The following SCOC variants were observed in gnomAD, a reference collection of about 807,000 sequenced individuals.
The protein encoded by SCOC is short coiled coil protein.
In SCOC, 7 loss-of-function variants were observed where a neutral mutation model predicts 9.9. The observed-to-expected ratio is 0.71, with a 90% confidence interval of 0.40 to 1.33. The LOEUF (loss-of-function observed/expected upper bound fraction) is 1.33, where lower values mean the gene tolerates loss of function less well. Among genes scored for constraint, SCOC ranks in the 40% most tolerant of loss-of-function variants. The probability of loss-of-function intolerance (pLI) is 0.01; values close to 1 mark genes in which losing one functional copy is unlikely to be tolerated. For synonymous variants in SCOC, 19 were observed against 28.2 expected, an observed-to-expected ratio of 0.67 and a Z score of 1.03; for missense variants, 66 against 89.7, an observed-to-expected ratio of 0.74 and a Z score of 1.07.
intron 1 of SCOC, among the ~76,000 whole-genome samples, chr4:140,318,782 TATGTTTA>T (rs1732407810): frequency 6.6e-6 from 1 of 151,466 alleles, no homozygotes; most frequent in Non-Finnish European, 1.5e-5. Flanking sequence ...CATGCACACG[TATGTTTA>T]TTGCGGCATT....
intron 1 of SCOC, among the ~76,000 whole-genome samples, chr4:140,271,586 G>T (rs1201606690): frequency 1.3e-5 from 2 of 152,168 alleles, no homozygotes; most frequent in African/African-American, 4.8e-5. Flanking sequence ...ATCTAGCTGG[G>T]AATTTCCAGC....
chr4:140,357,891 C>A (rs1727296832), intron 2 of SCOC, among the ~76,000 whole-genome samples: 1 of 152,026 alleles, frequency 6.6e-6, no homozygotes, highest in Non-Finnish European at 1.5e-5. Context: ...TTTCCTCATT[C>A]CCTCAACAAA....
intron 1 of SCOC, 134 bp downstream of exon 1, chr4:140,373,851 C>A: frequency 1.0e-6 from 1 of 976,136 alleles, no homozygotes; most frequent in Non-Finnish European, 1.6e-6. Flanking sequence ...GGAGCGGTCT[C>A]GGGCCTGGGC....
intron 1 of SCOC, among the ~76,000 whole-genome samples, chr4:140,295,953 A>T (rs1245266206): frequency 4.1e-5 from 6 of 146,626 alleles, no homozygotes; most frequent in South Asian, 4.3e-4. Context: ...AAAAAGAAAG[A>T]AAGAAAAAAA....
chr4:140,375,100 A>C (rs1728282445), intron 1 of SCOC, among the ~76,000 whole-genome samples: 1 of 152,198 alleles, frequency 6.6e-6, no homozygotes, highest in South Asian at 2.1e-4. Context: ...GTTGTGGTGG[A>C]ATGGTGGAAA....
chr4:140,374,974 AGTT>A (rs1728273890), intron 1 of SCOC, among the ~76,000 whole-genome samples: 1 of 152,236 alleles, frequency 6.6e-6, no homozygotes, highest in Admixed American at 6.5e-5. Flanking sequence ...CAGTCTTAGT[AGTT>A]CTCCAGTATG....
chr4:140,362,313 T>TCTTCTTCTTCTTCTTCTTCTTCTTCTCC (rs1727594134), intron 2 of SCOC, among the ~76,000 whole-genome samples: 2 of 84,180 alleles, frequency 2.4e-5, no homozygotes, highest in African/African-American at 4.0e-5. Flanking sequence ...TTTTTTTTTT[T>TCTTCTTCTTCTTCTTCTTCTTCTTCTCC]TTGTGAGAGT....
intron 2 of SCOC, 117 bp from the exon 3 acceptor site, chr4:140,379,452 G>A: frequency 1.3e-6 from 1 of 783,358 alleles, no homozygotes; most frequent in Non-Finnish European, 2.1e-6. Context: ...TATTTCACAG[G>A]GCTCTTGTAT....
chr4:140,366,731 G>A (rs1470145287), intron 2 of SCOC: 33 of 1,578,264 alleles, frequency 2.1e-5, no homozygotes, highest in African/African-American at 2.7e-5. Context: ...CTCCTCACTT[G>A]AGTGCAAGGT....
intron 2 of SCOC, among the ~76,000 whole-genome samples, chr4:140,349,468 C>T (rs531527199): frequency 1.3e-5 from 2 of 152,186 alleles, no homozygotes; most frequent in Non-Finnish European, 2.9e-5. Context: ...TTTCAGACTT[C>T]TGTTCTCAAA....
intron 2 of SCOC, among the ~76,000 whole-genome samples, chr4:140,349,413 A>G (rs933120691): frequency 1.3e-5 from 2 of 152,216 alleles, no homozygotes; most frequent in Non-Finnish European, 2.9e-5. Context: ...TAGAGATCCA[A>G]ACAAAGCACA....
At chr4:140,311,988 C>G (rs1253565706) in intron 1 of SCOC, among the ~76,000 whole-genome samples, 4 of 152,160 alleles carry the variant, frequency 2.6e-5, no homozygotes, top group Non-Finnish European at 5.9e-5. Flanking sequence ...TTTTGTTTTG[C>G]AAACATTTTA....
intron 1 of SCOC, among the ~76,000 whole-genome samples, chr4:140,317,287 A>G (rs1271737645): frequency 1.3e-5 from 2 of 152,208 alleles, no homozygotes; most frequent in Non-Finnish European, 2.9e-5. Context: ...AGTAAAAACT[A>G]AAAGGCAGAA....
chr4:140,298,310 T>C (rs1441750004), intron 1 of SCOC, among the ~76,000 whole-genome samples: 1 of 152,264 alleles, frequency 6.6e-6, no homozygotes, highest in Non-Finnish European at 1.5e-5. Flanking sequence ...CACAGAATTC[T>C]GGGCCTCAGA....
At chr4:140,379,784 A>C (rs1012369544) in intron 3 of SCOC, 132 bp downstream of exon 3, 2 of 617,312 alleles carry the variant, frequency 3.2e-6, no homozygotes, top group South Asian at 2.1e-5. Flanking sequence ...ACACATATAT[A>C]TATCTATCTT....
intron 1 of SCOC, among the ~76,000 whole-genome samples, chr4:140,306,353 C>T (rs1368675494): frequency 6.6e-6 from 1 of 152,064 alleles, no homozygotes; most frequent in African/African-American, 2.4e-5. Flanking sequence ...AGGGGAGCTA[C>T]AGTTCAAGAT....
intron 2 of SCOC, chr4:140,366,645 A>G (rs1727810899): frequency 1.2e-6 from 2 of 1,604,274 alleles, no homozygotes; most frequent in African/African-American, 1.3e-5. Flanking sequence ...CTTGTCTGAC[A>G]TACTTCTGGT....
chr4:140,301,053 C>T (rs948187873), intron 1 of SCOC, among the ~76,000 whole-genome samples: 74 of 152,074 alleles, frequency 4.9e-4, no homozygotes, highest in African/African-American at 1.8e-3. Context: ...AACAAAGGAG[C>T]GAAGGTTGTC....
chr4:140,315,280 C>T (rs17379048), intron 1 of SCOC, among the ~76,000 whole-genome samples: 2,424 of 152,258 alleles, frequency 0.016, 27 homozygotes, highest in Non-Finnish European at 0.023. Context: ...TTCAAAGGAA[C>T]GGGTATGCCT....
Sources: gnomAD v4.1 joint callset for allele counts (sites outside exome capture counted in the v4.1 genomes callset) on GRCh38, gnomAD v4.1.1 for gene constraint, MANE v1.5 for transcripts, NCBI Gene and HGNC (gene_info 2026-07-23, HGNC 2026-07-21) for gene names.